The following PSMG2 variants were observed in gnomAD, a reference collection of about 807,000 sequenced individuals.
The protein encoded by PSMG2 is CD40 ligand-activated specific transcript 3.
A neutral mutation model predicts 31.5 loss-of-function variants in PSMG2; 21 were observed. The ratio of observed to expected loss-of-function variants is 0.67; its 90% CI spans 0.47 to 0.96. The LOEUF is 0.96. Among genes scored for constraint, PSMG2 ranks in the 40% least tolerant of loss-of-function variants. The probability of loss-of-function intolerance (pLI) is 0.00; values close to 1 mark genes in which losing one functional copy is unlikely to be tolerated. For missense variants in PSMG2, 318 were observed against 321.2 expected, an observed-to-expected ratio of 0.99 and a Z score of 0.08; for synonymous variants, 120 against 110.4, an observed-to-expected ratio of 1.09 and a Z score of -0.54.
At chr18:12,659,522 T>C (rs973650172) in intron 1 of PSMG2, among the ~76,000 whole-genome samples, 1 of 151,752 alleles carries the variant, frequency 6.6e-6, no homozygotes, top group Admixed American at 6.6e-5. Flanking sequence ...CAAAGAAAAT[T>C]AGCCGAGTGT....
intron 1 of PSMG2, among the ~76,000 whole-genome samples, chr18:12,691,067 A>T (rs2039741308): frequency 6.6e-6 from 1 of 152,170 alleles, no homozygotes; most frequent in South Asian, 2.1e-4. Flanking sequence ...ATTTTCATCT[A>T]CTTTAAATCA....
Position 12,720,610 on chromosome 18 carries a change from C to T in PSMG2, c.508C>T (p.Pro170Ser), listed in dbSNP as rs146919461. 3.2e-5 allele frequency: 52 copies of T among 1,613,764 alleles called. No individual in the cohort carries two copies. Among genetic ancestry groups the T allele is most frequent in the Middle Eastern group, 1.6e-4 (1 of 6,084 alleles). ...AGAAATGGAAAAAAGCCGGTGCATT[C>T]CTGAAATAGATGATTCCGAGTTTTG... ...WEEMEKSRCI[P>S]EIDDSEFCIR... Residue 170 changes from proline (P) to serine (S), a missense_variant, in exon 5 of 7, where the codon CCT (proline) becomes TCT (serine). Physicochemically the swap from Pro to Ser is moderately conservative, Grantham distance 74 (BLOSUM62 -1). Coordinates refer to ENST00000317615, the MANE Select transcript of PSMG2 (RefSeq NM_020232.5).
At chr18:12,665,499 T>C (rs1598603912) in intron 1 of PSMG2, among the ~76,000 whole-genome samples, 1 of 152,128 alleles carries the variant, frequency 6.6e-6, no homozygotes, top group East Asian at 1.9e-4. Flanking sequence ...CACTGTGTCT[T>C]TCCCTTATGT....
At chr18:12,717,883 T>A (rs918633535) in intron 3 of PSMG2, among the ~76,000 whole-genome samples, 1 of 152,254 alleles carries the variant, frequency 6.6e-6, no homozygotes. Context: ...GATGACCATG[T>A]ATTGGTTATT....
intron 3 of PSMG2, among the ~76,000 whole-genome samples, chr18:12,717,004 C>T (rs1366742353): frequency 1.4e-5 from 2 of 142,998 alleles, no homozygotes; most frequent in Non-Finnish European, 3.0e-5. Context: ...GGCTGGAGTG[C>T]AGTGGCACAA....
chr18:12,722,453 CG>C, intron 5 of PSMG2, among the ~76,000 whole-genome samples: 1 of 152,208 alleles, frequency 6.6e-6, no homozygotes, highest in South Asian at 2.1e-4. Flanking sequence ...GCAGAGAATC[CG>C]AGGGCAGGGG....
chr18:12,693,084 A>G (rs1454804411), intron 1 of PSMG2, among the ~76,000 whole-genome samples: 1 of 152,206 alleles, frequency 6.6e-6, no homozygotes, highest in Non-Finnish European at 1.5e-5. Flanking sequence ...TTGGCCTCCC[A>G]AAGTGCTGGG....
At chr18:12,682,987 A>T (rs1345401092) in intron 1 of PSMG2, among the ~76,000 whole-genome samples, 1 of 152,058 alleles carries the variant, frequency 6.6e-6, no homozygotes, top group African/African-American at 2.4e-5. Flanking sequence ...AAGTAAAATA[A>T]AAATATCTGC....
intron 1 of PSMG2, among the ~76,000 whole-genome samples, chr18:12,676,211 TAACTTA>T (rs2039124398): frequency 6.6e-6 from 1 of 151,858 alleles, no homozygotes; most frequent in Non-Finnish European, 1.5e-5. Flanking sequence ...ACAGGCACCT[TAACTTA>T]AATAGTGATC....
intron 1 of PSMG2, among the ~76,000 whole-genome samples, chr18:12,679,488 C>T (rs2039271761): frequency 6.6e-6 from 1 of 152,136 alleles, no homozygotes; most frequent in Non-Finnish European, 1.5e-5. Flanking sequence ...CAGTGTTTTT[C>T]CTTTTTGTTC....
chr18:12,712,750 T>C lies in PSMG2; in HGVS notation c.278T>C (p.Ile93Thr). 3 of 1,605,412 alleles carry C rather than the reference T, an allele frequency of 1.9e-6. No homozygotes were observed. The highest frequency in any genetic ancestry group is 2.6e-6 in the Non-Finnish European group (3 of 1,173,564). The change falls in exon 3 of 7, where the codon ATT becomes ACT. Residue 93 changes from isoleucine to threonine, a missense_variant. By Grantham distance (89) the Ile-to-Thr change is moderately conservative. Coordinates refer to ENST00000317615, the MANE Select transcript of PSMG2 (RefSeq NM_020232.5). ...CTGGTGGCTCTACAGTTAAGATCCA[T>C]TTTTATTAAGGTTAGTATGTTGTAG... Reference protein sequence around the residue: ...RKLVALQLRSIFIKYKSKPFC... With the variant: ...RKLVALQLRSTFIKYKSKPFC...
intron 1 of PSMG2, among the ~76,000 whole-genome samples, chr18:12,696,502 A>AAATAAT (rs35130356): frequency 4.6e-5 from 7 of 151,354 alleles, no homozygotes; most frequent in Admixed American, 1.3e-4. Context: ...ACTCCATCTC[A>AAATAAT]AATAATAATA....
intron 1 of PSMG2, chr18:12,695,290 G>C: frequency 6.4e-7 from 1 of 1,568,242 alleles, no homozygotes; most frequent in Non-Finnish European, 8.7e-7. Flanking sequence ...ACGTTTGATT[G>C]AGTGGTGGAT....
chr18:12,671,783 G>C (rs1042312598), intron 1 of PSMG2, among the ~76,000 whole-genome samples: 2 of 151,406 alleles, frequency 1.3e-5, no homozygotes, highest in African/African-American at 2.4e-5. Flanking sequence ...TTGGATTATG[G>C]GTGTGTGACA....
intron 6 of PSMG2, 142 bp downstream of exon 6, chr18:12,724,761 G>A: frequency 1.0e-6 from 1 of 982,938 alleles, no homozygotes; most frequent in Non-Finnish European, 1.3e-6. Flanking sequence ...AGTTTAAGCT[G>A]AACTTTTGAA....
chr18:12,694,548 AAC>A (rs1233907859), intron 1 of PSMG2, among the ~76,000 whole-genome samples: 2 of 152,166 alleles, frequency 1.3e-5, no homozygotes, highest in African/African-American at 4.8e-5. Context: ...AGCCTCTCCA[AAC>A]ACACTCTAAA....
intron 1 of PSMG2, among the ~76,000 whole-genome samples, chr18:12,679,470 C>A (rs2039270874): frequency 6.6e-6 from 1 of 152,154 alleles, no homozygotes; most frequent in Non-Finnish European, 1.5e-5. Flanking sequence ...TGTGGAGCGT[C>A]CGTTTCCCAG....
chr18:12,687,683 C>T (rs2039591638), intron 1 of PSMG2, among the ~76,000 whole-genome samples: 1 of 151,522 alleles, frequency 6.6e-6, no homozygotes, highest in South Asian at 2.1e-4. Flanking sequence ...AAACTCCTGA[C>T]CTCAAGTGAT....
intron 1 of PSMG2, among the ~76,000 whole-genome samples, chr18:12,669,354 C>T (rs954140581): frequency 2.0e-5 from 3 of 151,974 alleles, no homozygotes; most frequent in Non-Finnish European, 2.9e-5. Context: ...TCAGGTGATC[C>T]GCCCGCCTTG....
Sources: allele counts gnomAD v4.1 joint callset (sites outside exome capture counted in the v4.1 genomes callset), GRCh38; gene constraint gnomAD v4.1.1; transcripts MANE v1.5; gene names NCBI Gene and HGNC (gene_info 2026-07-23, HGNC 2026-07-21).